The following ZFYVE26 variants were observed in gnomAD, a reference collection of about 807,000 sequenced individuals.
The protein encoded by ZFYVE26 is zinc finger FYVE domain-containing protein 26.
ZFYVE26 carries 181 observed loss-of-function variants against 276.5 expected under a neutral mutation model. The observed-to-expected ratio is 0.65, with a 90% confidence interval of 0.58 to 0.74. ZFYVE26 has a LOEUF of 0.74. Among genes scored for constraint, ZFYVE26 ranks in the 30% least tolerant of loss-of-function variants. The probability of loss-of-function intolerance (pLI) is 0.00; values close to 1 mark genes in which losing one functional copy is unlikely to be tolerated. For synonymous variants in ZFYVE26, 1,129 were observed against 1,203.1 expected, an observed-to-expected ratio of 0.94 and a Z score of 1.27; for missense variants, 2,821 against 3,097.9, an observed-to-expected ratio of 0.91 and a Z score of 2.12.
chr14:67,809,896 T>A (rs1185031351), intron 3 of ZFYVE26, among the ~76,000 whole-genome samples: 1 of 151,136 alleles, frequency 6.6e-6, no homozygotes, highest in African/African-American at 2.4e-5. Context: ...GCGATTCTCC[T>A]GCCTCAGGCT....
At chr14:67,735,154 C>A in intron 13 of ZFYVE26, 2 of 931,076 alleles carry the variant, frequency 2.1e-6, no homozygotes, top group Non-Finnish European at 3.6e-6. Flanking sequence ...ATGTTGTTGG[C>A]ATTTTCAGAA....
At chr14:67,809,997 G>T (rs562705088) in intron 3 of ZFYVE26, among the ~76,000 whole-genome samples, 19 of 151,036 alleles carry the variant, frequency 1.3e-4, no homozygotes, top group African/African-American at 4.4e-4. Context: ...TGTTAGCCAG[G>T]ATGGTCTTGA....
chr14:67,762,105 G>C, intron 34 of ZFYVE26, 98 bp downstream of exon 34: 9 of 1,432,576 alleles, frequency 6.3e-6, no homozygotes, highest in African/African-American at 1.4e-5. Flanking sequence ...AGCCAGGACT[G>C]ACACTGTTAG....
At position 67,790,733 on chromosome 14, in the gene ZFYVE26, C is replaced by G. The variant is rs181520084; in HGVS notation, c.2594G>C (p.Gly865Ala). The change falls in exon 15 of 42, where the codon GGG (glycine) becomes GCG (alanine). Residue 865 changes from glycine to alanine, a missense_variant. Transcript: ENST00000347230. ...GTAGCGCTCCATGAACATCAGTTCC[C>G]CTGAACTGGGTGAGGACTTCAGGTT... ...TFNLKSSPSS[G>A]ELMFMERYQE... 10 of 1,614,124 alleles carry G rather than the reference C, an allele frequency of 6.2e-6. No homozygotes were observed. The highest frequency in any genetic ancestry group is 8.5e-6 in the Non-Finnish European group (10 of 1,180,020).
intron 9 of ZFYVE26, 25 bp from the exon 10 acceptor site, chr14:67,802,307 G>A (rs986583022): frequency 1.2e-6 from 2 of 1,611,000 alleles, no homozygotes; most frequent in African/African-American, 1.3e-5. Flanking sequence ...GAAACAGGCT[G>A]AACTTGAGAG....
intron 20 of ZFYVE26, among the ~76,000 whole-genome samples, 159 bp from the exon 21 acceptor site, chr14:67,783,684 GCTCTGCC>G (rs1243413392): frequency 6.6e-6 from 1 of 151,978 alleles, no homozygotes; most frequent in Non-Finnish European, 1.5e-5. Flanking sequence ...TAGACATATC[GCTCTGCC>G]CTTTATGTTT....
At chr14:67,731,714 A>G (rs1327466421) in intron 13 of ZFYVE26, among the ~76,000 whole-genome samples, 1 of 152,200 alleles carries the variant, frequency 6.6e-6, no homozygotes, top group Non-Finnish European at 1.5e-5. Context: ...TACATAGAGA[A>G]CAGTCTGGAG....
rs768685609 is a variant in ZFYVE26, at chr14:67,775,091, T to C, written c.5245A>G (p.Ile1749Val). ...TCGGGATCTGCAGCCTGGTGGACAATTTCTTGGAGGTGAATCACAGAATCT... is the reference window on the plus strand; with the variant it reads ...TCGGGATCTGCAGCCTGGTGGACAACTTCTTGGAGGTGAATCACAGAATCT... ...RSDSVIHLQEIVHQAADPETL... is the reference protein window; with the variant it reads ...RSDSVIHLQEVVHQAADPETL... The change falls in exon 27 of 42, where the codon ATT becomes GTT. Residue 1749 changes from isoleucine (I) to valine (V), a missense_variant. Physicochemically the swap from Ile to Val is conservative, Grantham distance 29 (BLOSUM62 3). Transcript: ENST00000347230. The C allele has an allele frequency of 6.2e-7, 1 of 1,611,250 alleles. No individual in the cohort carries two copies. The highest frequency in any genetic ancestry group is 1.1e-5 in the South Asian group (1 of 90,088).
At chr14:67,794,062 C>T in intron 13 of ZFYVE26, 109 bp downstream of exon 13, 3 of 1,282,620 alleles carry the variant, frequency 2.3e-6, no homozygotes, top group Non-Finnish European at 3.4e-6. Context: ...ATCTGCCAAC[C>T]TTGAATAACA....
At chr14:67,733,982 A>T in intron 13 of ZFYVE26, 1 of 667,136 alleles carries the variant, frequency 1.5e-6, no homozygotes, top group South Asian at 1.5e-5. Flanking sequence ...GATCCTCTTG[A>T]CCCTTCTGGG....
intron 32 of ZFYVE26, among the ~76,000 whole-genome samples, chr14:67,764,571 GTA>G (rs2039010543): frequency 6.6e-6 from 1 of 152,062 alleles, no homozygotes; most frequent in Non-Finnish European, 1.5e-5. Flanking sequence ...TCAGAAGGGG[GTA>G]TGAGTTAAAA....
At chr14:67,741,174 C>A (rs1286347416) in intron 13 of ZFYVE26, among the ~76,000 whole-genome samples, 1 of 152,180 alleles carries the variant, frequency 6.6e-6, no homozygotes, top group Non-Finnish European at 1.5e-5. Context: ...ATAATCTGCA[C>A]ACCTTCAAAG....
At chr14:67,735,091 G>A in intron 13 of ZFYVE26, 1 of 741,162 alleles carries the variant, frequency 1.3e-6, no homozygotes, top group East Asian at 2.5e-5. Flanking sequence ...TCGGGAAGCT[G>A]AGCAGCAAAG....
At chr14:67,772,504 C>T (rs148940953) in intron 27 of ZFYVE26, among the ~76,000 whole-genome samples, 3 of 152,254 alleles carry the variant, frequency 2.0e-5, no homozygotes, top group East Asian at 1.9e-4. Flanking sequence ...GGGATGAAGA[C>T]GCAGATTGCC....
Position 67,793,650 on chromosome 14 carries a change from C to T in ZFYVE26, c.2511G>A (p.Leu837=). 6.2e-7 allele frequency: 1 copy of T among 1,613,830 alleles called. No individual in the cohort carries two copies. The highest frequency in any genetic ancestry group is 8.5e-7 in the Non-Finnish European group (1 of 1,179,860). ...AGTTCCCGCGAAGGATGCAGGATGCCAGCAGTGACTCAGGTGGGGAGAACA... is the reference window on the plus strand; with the variant it reads ...AGTTCCCGCGAAGGATGCAGGATGCTAGCAGTGACTCAGGTGGGGAGAACA... The part of the protein sequence containing the change: ...PMMFSPPESL[L]ASCILRGNFA... Residue 837 remains leucine, a synonymous_variant, in exon 14 of 42, where the codon CTG becomes CTA. Transcript: ENST00000347230.
chr14:67,792,059 CAAA>C (rs35352929), intron 14 of ZFYVE26, among the ~76,000 whole-genome samples: 5 of 63,782 alleles, frequency 7.8e-5, no homozygotes, highest in Non-Finnish European at 6.4e-5. Context: ...GACTCTGCTT[CAAA>C]AAAAAAAAAA....
At position 67,798,104 on chromosome 14, in the gene ZFYVE26, C is replaced by G; in HGVS notation, c.2158G>C (p.Asp720His). The change falls in exon 11 of 42, where the codon GAT (aspartate) becomes CAT (histidine). Residue 720 changes from aspartate (D) to histidine (H), a missense_variant. Physicochemically the swap from Asp to His is moderately conservative, Grantham distance 81. Coordinates refer to ENST00000347230, the MANE Select transcript of ZFYVE26 (RefSeq NM_015346.4). Reference protein sequence around the residue: ...QESQSCSGSRDGLQSRLHRLS... With the variant: ...QESQSCSGSRHGLQSRLHRLS... ...CGATGCAGGCGGCTCTGCAGTCCAT[C>G]TCTGCTTCCTGAGCAGCTCTGACTT... 1 of 1,614,186 alleles carries G rather than the reference C, an allele frequency of 6.2e-7. No individual in the cohort carries two copies. The highest frequency in any genetic ancestry group is 8.5e-7 in the Non-Finnish European group (1 of 1,180,024).
chr14:67,802,235 G>C lies in ZFYVE26; in HGVS notation c.1483C>G (p.Leu495Val). ...GCACAGAAGCCCTGGTAGAGTGTCAGGTTCTGACACTGGCTCAGGTGCTCA... is the reference window on the plus strand; with the variant it reads ...GCACAGAAGCCCTGGTAGAGTGTCACGTTCTGACACTGGCTCAGGTGCTCA... ...VPEHLSQCQN[L>V]TLYQGFCAMK... is the part of the protein sequence containing the mutation. Residue 495 changes from leucine to valine, a missense_variant, in exon 10 of 42, where the codon CTG becomes GTG. Coordinates refer to ENST00000347230, the MANE Select transcript of ZFYVE26 (RefSeq NM_015346.4). The C allele has an allele frequency of 6.2e-7, 1 of 1,614,218 alleles. No individual in the cohort carries two copies. Among genetic ancestry groups the C allele is most frequent in the African/African-American group, 1.3e-5 (1 of 75,064 alleles).
Position 67,807,267 on chromosome 14 carries a change from G to A in ZFYVE26, c.886+131C>T, listed in dbSNP as rs934434712. The A allele has an allele frequency of 4.7e-5, 56 of 1,180,350 alleles. No homozygotes were observed. In the Admixed American group the frequency reaches 5.5e-4, roughly 12 times the overall value. The allele number at this position is 1,180,350 out of a possible 1,614,324, so 73.1% of individuals were successfully genotyped here. ...GCCTGTACTTTTACGAAAGAGCATC[G>A]CACCCATTTTTGCTTAGCCTCCCCT... is the stretch of plus-strand genomic sequence containing the variant. On this transcript the variant is annotated intron_variant, in intron 5 of 41. Coordinates refer to ENST00000347230, the MANE Select transcript of ZFYVE26 (RefSeq NM_015346.4).
Sources: gnomAD v4.1 joint callset for allele counts (sites outside exome capture counted in the v4.1 genomes callset) on GRCh38, gnomAD v4.1.1 for gene constraint, MANE v1.5 for transcripts, NCBI Gene and HGNC (gene_info 2026-07-23, HGNC 2026-07-21) for gene names.